LRRC4C: variants seen among roughly 807,000 people sequenced by gnomAD.
The protein encoded by LRRC4C is leucine-rich repeat-containing protein 4C.
A neutral mutation model predicts 33.6 loss-of-function variants in LRRC4C; 5 were observed. The ratio of observed to expected loss-of-function variants is 0.15; its 90% confidence interval spans 0.08 to 0.31. The LOEUF is 0.31. Ranked by LOEUF, LRRC4C falls within the 10% of genes least tolerant of loss-of-function variation. The pLI is 1.00. For missense variants in LRRC4C, 560 were observed against 796.7 expected, an observed-to-expected ratio of 0.70 and a Z score of 3.58; for synonymous variants, 329 against 302.0, an observed-to-expected ratio of 1.09 and a Z score of -0.93.
At chr11:41,332,924 C>T (rs911985591) in intron 1 of LRRC4C, among the ~76,000 whole-genome samples, 5 of 152,016 alleles carry the variant, frequency 3.3e-5, no homozygotes, top group African/African-American at 1.2e-4. Context: ...TTCCTATAAG[C>T]CTAGGTCTTG....
intron 2 of LRRC4C, among the ~76,000 whole-genome samples, chr11:40,796,339 A>C (rs914447983): frequency 6.6e-6 from 1 of 152,208 alleles, no homozygotes; most frequent in African/African-American, 2.4e-5. Flanking sequence ...TTCGTGGTGC[A>C]GGGTAAACTC....
chr11:40,474,722 TAAAC>T (rs1460371480), intron 3 of LRRC4C, among the ~76,000 whole-genome samples: 13 of 152,044 alleles, frequency 8.6e-5, no homozygotes, highest in Non-Finnish European at 1.2e-4. Context: ...ACAAGGAACT[TAAAC>T]AAATTTACAA....
intron 1 of LRRC4C, among the ~76,000 whole-genome samples, chr11:40,988,713 C>CTTTTTTTTT (rs869034558): frequency 8.7e-5 from 5 of 57,752 alleles, no homozygotes; most frequent in Non-Finnish European, 8.3e-5. Context: ...CTTTTCTTTT[C>CTTTTTTTTT]TTTTTTTTTT....
chr11:40,725,418 GAA>G (rs1947241311), intron 2 of LRRC4C, among the ~76,000 whole-genome samples: 1 of 151,992 alleles, frequency 6.6e-6, no homozygotes, highest in Admixed American at 6.6e-5. Flanking sequence ...TGAGGCAGGA[GAA>G]TGGCGTGAAC....
chr11:40,448,299 C>T (rs2165244), intron 3 of LRRC4C, among the ~76,000 whole-genome samples: 54,547 of 151,886 alleles, frequency 0.36, 10,315 homozygotes, highest in East Asian at 0.53. Flanking sequence ...ATGTGCAGAA[C>T]GTGCAGGTTT....
intron 1 of LRRC4C, among the ~76,000 whole-genome samples, chr11:41,386,209 A>G (rs1305365927): frequency 6.6e-6 from 1 of 151,674 alleles, no homozygotes; most frequent in African/African-American, 2.4e-5. Context: ...GCAATAATGG[A>G]TGGCAGTAAA....
At chr11:41,190,605 G>A (rs944242434) in intron 1 of LRRC4C, among the ~76,000 whole-genome samples, 3 of 152,072 alleles carry the variant, frequency 2.0e-5, no homozygotes, top group Non-Finnish European at 4.4e-5. Context: ...TCACCAATGC[G>A]GATGCATTGG....
At chr11:41,279,424 A>ACCCCC (rs1227274322) in intron 1 of LRRC4C, among the ~76,000 whole-genome samples, 6 of 128,628 alleles carry the variant, frequency 4.7e-5, no homozygotes, top group Admixed American at 2.8e-4. Context: ...ACACACACAC[A>ACCCCC]CACACCGTGG....
At chr11:40,554,970 C>G (rs1233988444) in intron 3 of LRRC4C, among the ~76,000 whole-genome samples, 1 of 143,196 alleles carries the variant, frequency 7.0e-6, no homozygotes, top group African/African-American at 2.9e-5. Flanking sequence ...ATCCGCCCGC[C>G]TCGGCCTCCC....
At chr11:40,501,213 C>T (rs1257447786) in intron 3 of LRRC4C, among the ~76,000 whole-genome samples, 1 of 152,170 alleles carries the variant, frequency 6.6e-6, no homozygotes, top group East Asian at 1.9e-4. Context: ...AAGCCCCCCA[C>T]CTGGCTGCTT....
chr11:40,216,283 T>A (rs1376501095), intron 5 of LRRC4C, among the ~76,000 whole-genome samples: 6 of 152,290 alleles, frequency 3.9e-5, no homozygotes, highest in Admixed American at 1.3e-4. Context: ...AATTTTAATA[T>A]GTAACTGCTA....
intron 2 of LRRC4C, among the ~76,000 whole-genome samples, chr11:40,792,307 G>C (rs146437323): frequency 6.6e-6 from 1 of 151,788 alleles, no homozygotes; most frequent in East Asian, 1.9e-4. Context: ...TTTATTTCTC[G>C]GTAGTGCTAC....
intron 3 of LRRC4C, among the ~76,000 whole-genome samples, chr11:40,399,216 A>G (rs1190451976): frequency 6.6e-6 from 1 of 152,270 alleles, no homozygotes; most frequent in South Asian, 2.1e-4. Flanking sequence ...TCATGCTGCT[A>G]TAAAGACACA....
chr11:41,028,510 T>G (rs955136426), intron 1 of LRRC4C, among the ~76,000 whole-genome samples: 1 of 151,492 alleles, frequency 6.6e-6, no homozygotes, highest in Non-Finnish European at 1.5e-5. Context: ...CTCACTTAAA[T>G]TTATTCTACA....
intron 1 of LRRC4C, among the ~76,000 whole-genome samples, chr11:41,408,866 C>A (rs1029472597): frequency 6.6e-6 from 1 of 151,900 alleles, no homozygotes; most frequent in Non-Finnish European, 1.5e-5. Context: ...CAGCAGAGAC[C>A]TTTACTATTC....
At chr11:41,398,728 T>C (rs1953914808) in intron 1 of LRRC4C, among the ~76,000 whole-genome samples, 1 of 151,956 alleles carries the variant, frequency 6.6e-6, no homozygotes, top group Admixed American at 6.6e-5. Context: ...TTGACAAAGA[T>C]GATAACTATA....
At chr11:41,132,709 A>G (rs1262972932) in intron 1 of LRRC4C, among the ~76,000 whole-genome samples, 2 of 152,042 alleles carry the variant, frequency 1.3e-5, no homozygotes, top group Non-Finnish European at 2.9e-5. Flanking sequence ...TTTTATGATA[A>G]TAATGAAATA....
intron 1 of LRRC4C, among the ~76,000 whole-genome samples, chr11:41,379,495 G>A (rs1364105488): frequency 6.6e-6 from 1 of 152,010 alleles, no homozygotes; most frequent in African/African-American, 2.4e-5. Context: ...CTTTCTTTAG[G>A]AAAGTTTTAA....
intron 1 of LRRC4C, among the ~76,000 whole-genome samples, chr11:41,450,222 C>A (rs1366097105): frequency 6.6e-6 from 1 of 151,998 alleles, no homozygotes; most frequent in African/African-American, 2.4e-5. Flanking sequence ...CTGTACAAGG[C>A]ACTGGCACCC....
Sources: gnomAD v4.1 joint callset for allele counts (sites outside exome capture counted in the v4.1 genomes callset) on GRCh38, gnomAD v4.1.1 for gene constraint, MANE v1.5 for transcripts, NCBI Gene and HGNC (gene_info 2026-07-23, HGNC 2026-07-21) for gene names.